TMEFF2: variants seen among roughly 807,000 people sequenced by gnomAD.
The protein encoded by TMEFF2 is transmembrane protein with EGF like and two follistatin like domains 2, also known as tomoregulin-2.
A neutral mutation model predicts 53.8 loss-of-function variants in TMEFF2; 28 were observed. The ratio of observed to expected loss-of-function variants is 0.52; its 90% confidence interval spans 0.39 to 0.71. TMEFF2 has a LOEUF of 0.71. TMEFF2 is among the 30% of genes least tolerant of loss of function. TMEFF2 has a pLI of 0.00. For synonymous variants in TMEFF2, 162 were observed against 166.3 expected (o/e 0.97, Z 0.20); for missense variants, 353 against 455.2 (o/e 0.78, Z 2.04).
At chr2:192,016,693 T>C (rs541368102) in intron 5 of TMEFF2, among the ~76,000 whole-genome samples, 4 of 152,228 alleles carry the variant, frequency 2.6e-5, no homozygotes, top group Admixed American at 6.5e-5. Flanking sequence ...TATCCTCAAA[T>C]GAAATGAGGA....
chr2:192,113,095 C>A (rs747209665), intron 4 of TMEFF2, among the ~76,000 whole-genome samples: 5 of 152,098 alleles, frequency 3.3e-5, no homozygotes, highest in Non-Finnish European at 5.9e-5. Context: ...AGTGTTTTAA[C>A]ATGATTTAAT....
chr2:192,135,307 T>G (rs1399676893), intron 4 of TMEFF2, among the ~76,000 whole-genome samples: 1 of 152,200 alleles, frequency 6.6e-6, no homozygotes, highest in Non-Finnish European at 1.5e-5. Context: ...GGCAGGACTA[T>G]GCTGAATCTC....
chr2:192,193,603 C>T lies in TMEFF2; in HGVS notation c.172+750G>A, dbSNP rs150889335. On this transcript the variant is annotated intron_variant, in intron 1 of 9. Transcript: ENST00000272771. ...GCCTGACCAGCCTCAGTCATGCCCA[C>T]TCCGGCCTGGGAGACCCGCAAAGTG... 4.7e-3 allele frequency among the ~76,000 whole-genome samples: 716 copies of T among 152,278 alleles called. 7 individuals are homozygous for T. Among genetic ancestry groups the T allele is most frequent in the Middle Eastern group, 0.017 (5 of 294 alleles).
chr2:192,149,058 C>CA (rs1220334704), intron 4 of TMEFF2, among the ~76,000 whole-genome samples: 1 of 151,846 alleles, frequency 6.6e-6, no homozygotes, highest in Non-Finnish European at 1.5e-5. Context: ...TCCCCATTTC[C>CA]CTCAGTCACA....
Position 192,024,481 on chromosome 2 carries a change from T to A in TMEFF2, c.537-25273A>T, listed in dbSNP as rs564584543. Among the ~76,000 whole-genome samples the A allele has an allele frequency of 2.0e-5, 3 of 152,332 alleles. No individual in the cohort carries two copies. The South Asian group carries it at 6.2e-4, about 32-fold the overall frequency. On this transcript the variant is annotated intron_variant, in intron 5 of 9. Transcript: ENST00000272771. ...GCTGTGTCAGGCATGTGGAGAACAC[T>A]GGTAGTTCCTGAATGAATTTAAAAA...
rs1686304706 is a variant in TMEFF2, at chr2:191,999,451, T to C, written c.537-243A>G. On this transcript the variant is annotated intron_variant, in intron 5 of 9. Coordinates refer to ENST00000272771, the MANE Select transcript of TMEFF2 (RefSeq NM_016192.4). ...AAAAGGAAAAACTCAAAAATGATCA[T>C]CAGTTAATTTCTGCCCTGGAACTTT... Among the ~76,000 whole-genome samples the C allele has an allele frequency of 3.3e-5, 5 of 152,020 alleles. No individual in the cohort carries two copies. In the South Asian group the frequency reaches 1.0e-3, roughly 32 times the overall value.
intron 4 of TMEFF2, among the ~76,000 whole-genome samples, chr2:192,080,381 G>A (rs972054600): frequency 2.6e-5 from 4 of 152,172 alleles, no homozygotes; most frequent in African/African-American, 9.7e-5. Context: ...CCGCTTTGCT[G>A]AGCACTTCTC....
chr2:192,166,594 C>CTTTAA (rs1424102437), intron 4 of TMEFF2, among the ~76,000 whole-genome samples: 2 of 152,134 alleles, frequency 1.3e-5, no homozygotes, highest in South Asian at 2.1e-4. Context: ...AGGCTTAAGG[C>CTTTAA]TTTAAGTACC....
At chr2:191,976,178 C>T (rs1232384253) in intron 7 of TMEFF2, among the ~76,000 whole-genome samples, 1 of 152,004 alleles carries the variant, frequency 6.6e-6, no homozygotes, top group Admixed American at 6.5e-5. Context: ...AGTGCCTCTG[C>T]CTATTAGTTA....
intron 5 of TMEFF2, among the ~76,000 whole-genome samples, chr2:192,007,302 G>C (rs1446790097): frequency 6.6e-6 from 1 of 152,156 alleles, no homozygotes; most frequent in African/African-American, 2.4e-5. Flanking sequence ...GAATTAATTT[G>C]CCAAGTAAAA....
At chr2:192,111,516 T>C (rs1020972900) in intron 4 of TMEFF2, among the ~76,000 whole-genome samples, 1 of 152,136 alleles carries the variant, frequency 6.6e-6, no homozygotes, top group African/African-American at 2.4e-5. Context: ...ATGACTTAGG[T>C]GCTGTTAAAA....
chr2:192,053,067 G>A (rs1174144729), intron 5 of TMEFF2, among the ~76,000 whole-genome samples: 1 of 152,108 alleles, frequency 6.6e-6, no homozygotes, highest in African/African-American at 2.4e-5. Flanking sequence ...AAATGCAAGA[G>A]AAAAACCTTG....
intron 4 of TMEFF2, among the ~76,000 whole-genome samples, chr2:192,174,544 A>G (rs981671157): frequency 1.3e-5 from 2 of 151,682 alleles, no homozygotes; most frequent in African/African-American, 4.8e-5. Flanking sequence ...AGTAAGATGG[A>G]TTTCAACCTA....
chr2:192,184,219 T>G, intron 3 of TMEFF2, 135 bp downstream of exon 3: 1 of 1,175,282 alleles, frequency 8.5e-7, no homozygotes, highest in Non-Finnish European at 1.2e-6. Context: ...ATAACAAATG[T>G]TTTGAACAAA....
At chr2:192,164,192 A>C (rs972238889) in intron 4 of TMEFF2, among the ~76,000 whole-genome samples, 3 of 151,296 alleles carry the variant, frequency 2.0e-5, no homozygotes, top group African/African-American at 7.3e-5. Context: ...CCACTTCCCT[A>C]CTCTCCTCTT....
chr2:191,965,933 G>A (rs1692457416), intron 7 of TMEFF2, among the ~76,000 whole-genome samples: 2 of 151,136 alleles, frequency 1.3e-5, no homozygotes, highest in South Asian at 2.1e-4. Flanking sequence ...TTACTTGTCT[G>A]TGTGACACGT....
chr2:192,088,030 C>A (rs977740669), intron 4 of TMEFF2, among the ~76,000 whole-genome samples: 3 of 152,070 alleles, frequency 2.0e-5, no homozygotes, highest in Non-Finnish European at 4.4e-5. Flanking sequence ...TGGTTCATAG[C>A]CCTCCAGCTG....
intron 1 of TMEFF2, among the ~76,000 whole-genome samples, chr2:192,192,957 A>G (rs573870574): frequency 7.2e-5 from 11 of 152,362 alleles, no homozygotes; most frequent in African/African-American, 2.2e-4. Flanking sequence ...GAAACTGCCA[A>G]AAAAGAGAAC....
intron 4 of TMEFF2, among the ~76,000 whole-genome samples, chr2:192,122,608 T>C (rs1422585033): frequency 6.6e-6 from 1 of 152,156 alleles, no homozygotes; most frequent in African/African-American, 2.4e-5. Flanking sequence ...TGAAACAGAC[T>C]GCATTTTACC....
Sources: allele counts gnomAD v4.1 joint callset (sites outside exome capture counted in the v4.1 genomes callset), GRCh38; gene constraint gnomAD v4.1.1; transcripts MANE v1.5; gene names NCBI Gene and HGNC (gene_info 2026-07-23, HGNC 2026-07-21).